The following UMODL1 variants were observed in gnomAD, a reference collection of about 807,000 sequenced individuals.
UMODL1 encodes the protein uromodulin-like 1.
A neutral mutation model predicts 136.3 loss-of-function variants in UMODL1; 128 were observed. That is an observed-to-expected ratio of 0.94 (90% CI 0.81 to 1.09). The LOEUF (loss-of-function observed/expected upper bound fraction) is 1.09. Among genes scored for constraint, UMODL1 ranks in the 50% least tolerant of loss-of-function variants. The pLI is 0.00. For synonymous variants in UMODL1, 721 were observed against 720.0 expected (o/e 1.00, Z -0.02); for missense variants, 1,766 against 1,725.6 (o/e 1.02, Z -0.41).
chr21:42,075,099 C>T (rs1423947332), intron 1 of UMODL1, among the ~76,000 whole-genome samples: 1 of 152,124 alleles, frequency 6.6e-6, no homozygotes, highest in African/African-American at 2.4e-5. Flanking sequence ...GGGCTTTCAC[C>T]ATGTTAGCCA....
At chr21:42,067,047 T>C (rs547638618), upstream of UMODL1, among the ~76,000 whole-genome samples, 1 of 151,554 alleles carries the variant, frequency 6.6e-6, no homozygotes, top group Non-Finnish European at 1.5e-5. Flanking sequence ...CGATCTTGGC[T>C]CACTGCAACC....
intron 7 of UMODL1, among the ~76,000 whole-genome samples, chr21:42,100,722 A>C (rs1601215086): frequency 1.5e-5 from 2 of 135,534 alleles, no homozygotes; most frequent in East Asian, 2.3e-4. Flanking sequence ...CACCCCAGCA[A>C]CCCCGTGCCC....
At chr21:42,137,375 G>T in intron 21 of UMODL1, 64 bp from the exon 22 acceptor site, 1 of 1,582,162 alleles carries the variant, frequency 6.3e-7, no homozygotes, top group South Asian at 1.1e-5. Context: ...CGGGTGGAGG[G>T]CTTGCTCTAT....
rs1003035471 is a variant in UMODL1, at chr21:42,102,215, G to T, written c.1236G>T (p.Thr412=). 6.2e-7 allele frequency: 1 copy of T among 1,613,822 alleles called. No homozygotes were observed. The highest frequency in any genetic ancestry group is 8.5e-7 in the Non-Finnish European group (1 of 1,179,858). ...VTIKIVNHNL[T]EKLLNRSSVE... ...TAAAGATTGTAAACCACAACCTGAC[G>T]GAGAAGTTACTCAACCGCAGCAGTG... is the stretch of plus-strand genomic sequence containing the variant. Residue 412 remains threonine, a synonymous_variant, in exon 8 of 23, where the codon ACG becomes ACT. Coordinates refer to ENST00000408910, the MANE Select transcript of UMODL1 (RefSeq NM_001004416.3).
intron 14 of UMODL1, 84 bp downstream of exon 14, chr21:42,116,069 T>A: frequency 8.8e-7 from 1 of 1,137,894 alleles, no homozygotes; most frequent in Non-Finnish European, 1.3e-6. Context: ...GCACGGTGGC[T>A]CACCCCTGTA....
intron 15 of UMODL1, chr21:42,120,769 C>G (rs2066959751): frequency 4.3e-6 from 1 of 231,704 alleles, no homozygotes; most frequent in African/African-American, 2.3e-5. Flanking sequence ...TGGGCTGGAC[C>G]GAGGTGGATC....
upstream of UMODL1, among the ~76,000 whole-genome samples, chr21:42,070,707 G>A (rs1339532036): frequency 1.3e-5 from 2 of 152,258 alleles, no homozygotes; most frequent in African/African-American, 4.8e-5. Flanking sequence ...GTCCAATTAT[G>A]TAATTTCCCA....
chr21:42,111,797 G>GC, intron 12 of UMODL1, 87 bp downstream of exon 12: 5 of 1,315,678 alleles, frequency 3.8e-6, no homozygotes, highest in Non-Finnish European at 5.1e-6. Flanking sequence ...CTGCAGCCGT[G>GC]GAGTCGCAGG....
chr21:42,112,454 G>C (rs547448490), intron 12 of UMODL1, among the ~76,000 whole-genome samples: 2 of 138,588 alleles, frequency 1.4e-5, no homozygotes, highest in Admixed American at 7.2e-5. Context: ...TTCTGTATCT[G>C]CCCAGCTGCT....
chr21:42,128,000 G>A, intron 20 of UMODL1, 169 bp downstream of exon 20: 1 of 876,564 alleles, frequency 1.1e-6, no homozygotes, highest in Non-Finnish European at 1.8e-6. Context: ...TATTTCCACG[G>A]CAGGCAGCCC....
At position 42,111,113 on chromosome 21, in the gene UMODL1, G is replaced by A. The variant is rs1383706049; in HGVS notation, c.1891G>A (p.Glu631Lys). Reference sequence around the variant, plus strand: ...CAGGAACAACACAGGAAAAGGCGTGGAGCAGGAGGTGCCCAGCACTGCCCC... The same window carrying A: ...CAGGAACAACACAGGAAAAGGCGTGAAGCAGGAGGTGCCCAGCACTGCCCC... Reference protein sequence around the residue: ...YDRNNTGKGVEQELQGNSIME... With the variant: ...YDRNNTGKGVKQELQGNSIME... Residue 631 changes from glutamate (E) to lysine (K), a missense_variant, in exon 11 of 23, where the codon GAG (glutamate) becomes AAG (lysine). By Grantham distance (56) the Glu-to-Lys change is moderately conservative. Transcript: ENST00000408910. The A allele has an allele frequency of 6.2e-7, 1 of 1,609,840 alleles. No individual in the cohort carries two copies. The highest frequency in any genetic ancestry group is 8.5e-7 in the Non-Finnish European group (1 of 1,178,422).
rs775194757 is a variant in UMODL1 at position 42,098,888 on chromosome 21, T to C, written c.932-38T>C. 35 of 1,608,146 alleles carry C rather than the reference T, an allele frequency of 2.2e-5. No homozygotes were observed. In the South Asian group the frequency reaches 3.5e-4, roughly 16 times the overall value. ...CTTCAGAAGAGAAAGCCGCCCTCAC[T>C]GACCCTTTGCTCATCTTCTCTGTCT... On this transcript the variant is annotated intron_variant, in intron 6 of 22. Transcript: ENST00000408910.
rs773110672 is a variant in UMODL1 at position 42,104,053 on chromosome 21, G to A, written c.1485G>A (p.Val495=). The change falls in exon 9 of 23, where the codon GTG becomes GTA. Residue 495 remains valine (V), a synonymous_variant. Transcript: ENST00000408910. Reference sequence around the variant, plus strand: ...TCCAGCCCCTGTTGGCAAGCACAGTGTTCCAGATTGACCGGCAGGGGACAC... The same window carrying A: ...TCCAGCCCCTGTTGGCAAGCACAGTATTCCAGATTGACCGGCAGGGGACAC... ...PILQPLLAST[V]FQIDRQGTRV... 3 of 1,613,446 alleles carry A rather than the reference G, an allele frequency of 1.9e-6. No homozygotes were observed. The highest frequency in any genetic ancestry group is 2.5e-6 in the Non-Finnish European group (3 of 1,179,650).
At chr21:42,130,245 T>TGTGTGTGC (rs377170083) in intron 21 of UMODL1, among the ~76,000 whole-genome samples, 4,310 of 151,912 alleles carry the variant, frequency 0.028, 121 homozygotes, top group East Asian at 0.16. Context: ...TGTGTGTGTG[T>TGTGTGTGC]GCGTGCACAC....
chr21:42,113,992 C>T (rs559193989), intron 13 of UMODL1, among the ~76,000 whole-genome samples, 162 bp downstream of exon 13: 19 of 152,240 alleles, frequency 1.2e-4, no homozygotes, highest in Non-Finnish European at 2.1e-4. Context: ...CGTGCAATGA[C>T]GGCCAGACAG....
chr21:42,081,629 T>C (rs1325563997), intron 2 of UMODL1, among the ~76,000 whole-genome samples: 2 of 152,168 alleles, frequency 1.3e-5, no homozygotes, highest in African/African-American at 2.4e-5. Context: ...TCTATTTAAA[T>C]AGGCTTTTAG....
At chr21:42,115,094 A>G (rs868803473) in intron 13 of UMODL1, among the ~76,000 whole-genome samples, 2 of 152,310 alleles carry the variant, frequency 1.3e-5, no homozygotes, top group South Asian at 2.1e-4. Context: ...AGCTCTGGGG[A>G]GATGGACTCT....
intron 22 of UMODL1, among the ~76,000 whole-genome samples, chr21:42,141,432 TAG>T (rs1319750454): frequency 6.6e-6 from 1 of 152,190 alleles, no homozygotes; most frequent in Non-Finnish European, 1.5e-5. Flanking sequence ...CCTCCCTAGA[TAG>T]AGTTACGAGG....
chr21:42,135,770 C>T (rs1310622307), intron 21 of UMODL1, among the ~76,000 whole-genome samples: 1 of 152,138 alleles, frequency 6.6e-6, no homozygotes, highest in Non-Finnish European at 1.5e-5. Context: ...CCCTGTCCCT[C>T]TCTCTGGAGG....
Sources: gnomAD v4.1 joint callset for allele counts (sites outside exome capture counted in the v4.1 genomes callset) on GRCh38, gnomAD v4.1.1 for gene constraint, MANE v1.5 for transcripts, NCBI Gene and HGNC (gene_info 2026-07-23, HGNC 2026-07-21) for gene names.